The following PPWD1 variants were observed in gnomAD, a reference collection of about 807,000 sequenced individuals.
PPWD1 encodes the protein peptidylprolyl isomerase domain and WD repeat-containing protein 1.
In PPWD1, 43 loss-of-function variants were observed where a neutral mutation model predicts 68.8. The observed-to-expected ratio is 0.62, with a 90% confidence interval of 0.49 to 0.81. The LOEUF is 0.81. Among genes scored for constraint, PPWD1 ranks in the 30% least tolerant of loss-of-function variants. The pLI is 0.00. For missense variants in PPWD1, 672 were observed against 804.8 expected, an observed-to-expected ratio of 0.83 and a Z score of 2.00; for synonymous variants, 232 against 258.7, an observed-to-expected ratio of 0.90 and a Z score of 0.99.
intron 1 of PPWD1, among the ~76,000 whole-genome samples, chr5:65,564,600 A>G (rs1018114896): frequency 2.0e-5 from 3 of 152,136 alleles, no homozygotes; most frequent in Non-Finnish European, 2.9e-5. Context: ...GATTACAGGC[A>G]TGAGCCACGG....
chr5:65,587,442 A>C lies in PPWD1; in HGVS notation c.*46A>C. The C allele has an allele frequency of 6.9e-7, 1 of 1,448,078 alleles. No individual in the cohort carries two copies. Among genetic ancestry groups the C allele is most frequent in the Non-Finnish European group, 9.4e-7 (1 of 1,058,264 alleles). 89.7% of individuals were successfully genotyped at this position (1,448,078 alleles called of 1,614,324 possible). On this transcript the variant is annotated 3_prime_UTR_variant, in exon 11 of 11. Transcript: ENST00000261308. ...ACTTGCAAATAAAAATACAATATTA[A>C]ACAGATTATTTTACATTAGGAAGCT...
At chr5:65,566,519 A>G (rs1422501254) in intron 1 of PPWD1, among the ~76,000 whole-genome samples, 1 of 152,224 alleles carries the variant, frequency 6.6e-6, no homozygotes, top group Non-Finnish European at 1.5e-5. Flanking sequence ...GTCATGTTAT[A>G]TCTGGACATC....
chr5:65,568,278 G>A (rs1431186927), intron 2 of PPWD1, among the ~76,000 whole-genome samples: 3 of 152,088 alleles, frequency 2.0e-5, no homozygotes, highest in African/African-American at 7.2e-5. Flanking sequence ...TATGTCCCAG[G>A]TACTATGCTA....
At chr5:65,579,992 C>T (rs1753522764) in intron 7 of PPWD1, among the ~76,000 whole-genome samples, 1 of 152,112 alleles carries the variant, frequency 6.6e-6, no homozygotes, top group South Asian at 2.1e-4. Flanking sequence ...AGCACAGCTT[C>T]CTTCTCTAAA....
At chr5:65,577,094 T>C in intron 6 of PPWD1, 25 bp downstream of exon 6, 1 of 1,589,562 alleles carries the variant, frequency 6.3e-7, no homozygotes, top group Non-Finnish European at 8.6e-7. Context: ...GAGGTATGTT[T>C]TTTAAAAATG....
chr5:65,570,850 T>C (rs146125352), intron 4 of PPWD1, among the ~76,000 whole-genome samples: 150 of 152,188 alleles, frequency 9.9e-4, no homozygotes, highest in Non-Finnish European at 1.8e-3. Context: ...TTAACCTTAA[T>C]TACCTCCTGA....
Position 65,584,139 on chromosome 5 carries a change from C to T in PPWD1, c.1533-875C>T, listed in dbSNP as rs947754102. 2.6e-5 allele frequency among the ~76,000 whole-genome samples: 4 copies of T among 152,244 alleles called. No individual in the cohort carries two copies. The South Asian group carries it at 6.2e-4, about 24-fold the overall frequency. ...TTACTTAAAAGTTCTTATTTATTAA[C>T]ATTTTGAATATGAACGTTTTATACC... is the stretch of plus-strand genomic sequence containing the variant. On this transcript the variant is annotated intron_variant, in intron 8 of 10. Transcript: ENST00000261308.
rs1397091213 is a variant in PPWD1 at position 65,587,383 on chromosome 5, T to C, written c.1928T>C (p.Ile643Thr). The change falls in exon 11 of 11, where the codon ATT (isoleucine) becomes ACT (threonine). Residue 643 changes from isoleucine (I) to threonine (T), a missense_variant. Physicochemically the swap from Ile to Thr is moderately conservative, Grantham distance 89 (BLOSUM62 -1). Transcript: ENST00000261308. ...KPYEDVSIINITVK is the reference protein window; with the variant it reads ...KPYEDVSIINTTVK ...TATGAGGATGTCAGCATCATAAATA[T>C]TACTGTCAAGTAAAATAAGATTTGT... is the stretch of plus-strand genomic sequence containing the variant. 1.2e-6 allele frequency: 2 copies of C among 1,606,602 alleles called. No homozygotes were observed. Among genetic ancestry groups the C allele is most frequent in the Admixed American group, 1.7e-5 (1 of 58,958 alleles).
intron 10 of PPWD1, among the ~76,000 whole-genome samples, chr5:65,586,695 A>G (rs1216161326): frequency 6.6e-6 from 1 of 152,166 alleles, no homozygotes; most frequent in Non-Finnish European, 1.5e-5. Flanking sequence ...GTGATGAAGA[A>G]GGGAAAAATG....
chr5:65,563,856 C>A, intron 1 of PPWD1: 1 of 1,474,726 alleles, frequency 6.8e-7, no homozygotes, highest in Non-Finnish European at 9.2e-7. Flanking sequence ...AAAAGGGTAC[C>A]AGTTCTCTTT....
chr5:65,564,318 C>CTT (rs550753414), intron 1 of PPWD1, among the ~76,000 whole-genome samples: 1,788 of 117,124 alleles, frequency 0.015, no homozygotes, highest in East Asian at 0.028. Context: ...TTTTCTCTCT[C>CTT]TTTTTTTTTT....
At chr5:65,563,972 C>T (rs1243258805) in intron 1 of PPWD1, 4 of 801,172 alleles carry the variant, frequency 5.0e-6, no homozygotes, top group Non-Finnish European at 5.9e-6. Context: ...TCAACTCTGA[C>T]ACTTCCACTA....
In PPWD1 at chr5:65,583,219, A is replaced by T; in HGVS notation, c.1532A>T (p.Glu511Val). 1 of 1,573,748 alleles carries T rather than the reference A, an allele frequency of 6.4e-7. No homozygotes were observed. Among genetic ancestry groups the T allele is most frequent in the Non-Finnish European group, 8.6e-7 (1 of 1,160,690 alleles). Reference protein sequence around the residue: ...GDIHTKLFPVECPKTVENFCV... With the variant: ...GDIHTKLFPVVCPKTVENFCV... Reference sequence around the variant, plus strand: ...ATTCACACCAAACTTTTTCCTGTTGAGTATGTATAACAACTGTTTTTATTG... The same window carrying T: ...ATTCACACCAAACTTTTTCCTGTTGTGTATGTATAACAACTGTTTTTATTG... The change falls in exon 8 of 11, where the codon GAG becomes GTG. Residue 511 changes from glutamate (E) to valine (V), a missense_variant and splice_region_variant. Physicochemically the swap from Glu to Val is moderately radical, Grantham distance 121. Coordinates refer to ENST00000261308, the MANE Select transcript of PPWD1 (RefSeq NM_015342.4).
At chr5:65,563,538 G>A in intron 1 of PPWD1, 32 bp downstream of exon 1, 1 of 1,582,822 alleles carries the variant, frequency 6.3e-7, no homozygotes, top group Non-Finnish European at 8.6e-7. Flanking sequence ...GGACGAATTG[G>A]AGTGCTGCGT....
chr5:65,567,956 A>G (rs957580297), intron 2 of PPWD1: 5 of 172,028 alleles, frequency 2.9e-5, no homozygotes, highest in Non-Finnish European at 6.1e-5. Flanking sequence ...GTGGGCTAAC[A>G]TACCCTAGGA....
intron 9 of PPWD1, 51 bp downstream of exon 9, chr5:65,585,146 G>A: frequency 6.6e-7 from 1 of 1,516,792 alleles, no homozygotes; most frequent in Non-Finnish European, 9.1e-7. Flanking sequence ...TTATTACATA[G>A]CAAGAGATTT....
intron 2 of PPWD1, 73 bp downstream of exon 2, chr5:65,567,688 G>C (rs1171237794): frequency 7.0e-7 from 1 of 1,424,002 alleles, no homozygotes; most frequent in Non-Finnish European, 9.3e-7. Context: ...TTTTGAGGTA[G>C]ATTTATAGAG....
chr5:65,580,792 G>A (rs1377941916), intron 7 of PPWD1, among the ~76,000 whole-genome samples: 3 of 152,278 alleles, frequency 2.0e-5, no homozygotes, highest in African/African-American at 7.2e-5. Context: ...GGAATTACAG[G>A]CGTGAGCCAC....
chr5:65,574,374 T>C, intron 5 of PPWD1, among the ~76,000 whole-genome samples: 1 of 152,032 alleles, frequency 6.6e-6, no homozygotes, highest in Non-Finnish European at 1.5e-5. Flanking sequence ...ATTTTAAAAT[T>C]CTATTAACTT....
Sources: gnomAD v4.1 joint callset for allele counts (sites outside exome capture counted in the v4.1 genomes callset) on GRCh38, gnomAD v4.1.1 for gene constraint, MANE v1.5 for transcripts, NCBI Gene and HGNC (gene_info 2026-07-23, HGNC 2026-07-21) for gene names.